EEA1: variants seen among roughly 807,000 people sequenced by gnomAD.
The protein encoded by EEA1 is early endosome antigen 1.
EEA1 carries 111 observed loss-of-function variants against 209.2 expected under a neutral mutation model. The ratio of observed to expected loss-of-function variants is 0.53; its 90% CI spans 0.45 to 0.62. EEA1 has a LOEUF of 0.62. Among genes scored for constraint, EEA1 ranks in the 20% least tolerant of loss-of-function variants. The probability of loss-of-function intolerance (pLI) is 0.00; values close to 1 mark genes in which losing one functional copy is unlikely to be tolerated. For synonymous variants in EEA1, 536 were observed against 540.6 expected (o/e 0.99, Z 0.12); for missense variants, 1,343 against 1,530.8 (o/e 0.88, Z 2.05).
chr12:92,799,747 A>G (rs1179329957), intron 20 of EEA1, among the ~76,000 whole-genome samples: 1 of 152,058 alleles, frequency 6.6e-6, no homozygotes, highest in Non-Finnish European at 1.5e-5. Context: ...AGATCGTGCC[A>G]CTGCACTCCA....
In EEA1 at chr12:92,836,145, G is replaced by T. The variant is rs568933491; in HGVS notation, c.916-3295C>A. On this transcript the variant is annotated intron_variant, in intron 10 of 28. Coordinates refer to ENST00000322349, the MANE Select transcript of EEA1 (RefSeq NM_003566.4). Reference sequence around the variant, plus strand: ...GAGGAAGGTGAAGTTGACAGAGCCTGATATGATTGGTCAAATGGTAGAATC... The same window carrying T: ...GAGGAAGGTGAAGTTGACAGAGCCTTATATGATTGGTCAAATGGTAGAATC... Among the ~76,000 whole-genome samples, 17 of 152,246 alleles carry T rather than the reference G, an allele frequency of 1.1e-4. No homozygotes were observed. The East Asian group carries it at 3.1e-3, about 28-fold the overall frequency.
Position 92,819,414 on chromosome 12 carries a change from A to G in EEA1, c.1622T>C (p.Leu541Ser). 1.9e-6 allele frequency: 3 copies of G among 1,612,632 alleles called. No homozygotes were observed. Among genetic ancestry groups the G allele is most frequent in the Non-Finnish European group, 2.5e-6 (3 of 1,179,276 alleles). Residue 541 changes from leucine (L) to serine (S), a missense_variant, in exon 14 of 29, where the codon TTA becomes TCA. Leu to Ser is a moderately radical substitution (Grantham distance 145). Transcript: ENST00000322349. Reference sequence around the variant, plus strand: ...AAGATCTTCTCTTTCTTTTTCTAGTAATGAAATATTTTCTTTACTCTTCTG... The same window carrying G: ...AAGATCTTCTCTTTCTTTTTCTAGTGATGAAATATTTTCTTTACTCTTCTG... ...LLQKSKENIS[L>S]LEKEREDLYA...
chr12:92,793,590 C>G (rs1874513575), intron 21 of EEA1, among the ~76,000 whole-genome samples: 1 of 152,138 alleles, frequency 6.6e-6, no homozygotes, highest in Admixed American at 6.5e-5. Flanking sequence ...TGAAGGACAT[C>G]TTCAAGGACA....
intron 26 of EEA1, 85 bp downstream of exon 26, chr12:92,777,856 T>A (rs1421255436): frequency 1.4e-6 from 2 of 1,407,898 alleles, no homozygotes; most frequent in Non-Finnish European, 9.7e-7. Flanking sequence ...TTCTCAAGAT[T>A]CTTCTATTTT....
intron 1 of EEA1, among the ~76,000 whole-genome samples, chr12:92,900,783 C>G (rs1592767311): frequency 6.6e-6 from 1 of 152,000 alleles, no homozygotes; most frequent in East Asian, 1.9e-4. Context: ...ATTATCCTGC[C>G]TCAGCCTCCC....
intron 1 of EEA1, 91 bp from the exon 2 acceptor site, chr12:92,891,812 A>G: frequency 5.9e-6 from 5 of 854,392 alleles, no homozygotes; most frequent in South Asian, 1.7e-5. Flanking sequence ...CTTTTCACAT[A>G]AGAAAAGTAG....
At chr12:92,853,861 A>G in intron 6 of EEA1, 54 bp downstream of exon 6, 1 of 1,520,520 alleles carries the variant, frequency 6.6e-7, no homozygotes. Context: ...AAGAAAGGAA[A>G]ACAAATAAGA....
intron 16 of EEA1, 28 bp downstream of exon 16, chr12:92,812,952 T>C (rs769627766): frequency 5.3e-5 from 77 of 1,445,256 alleles, no homozygotes; most frequent in Non-Finnish European, 7.2e-5. Context: ...CACTAGGTGA[T>C]AGTATGAAAT....
intron 1 of EEA1, among the ~76,000 whole-genome samples, chr12:92,910,052 AG>A (rs1242777601): frequency 6.6e-6 from 1 of 152,218 alleles, no homozygotes; most frequent in African/African-American, 2.4e-5. Flanking sequence ...CTGAGGCAGA[AG>A]AATCACTTGA....
At chr12:92,922,277 A>C (rs572265362) in intron 1 of EEA1, among the ~76,000 whole-genome samples, 28 of 152,212 alleles carry the variant, frequency 1.8e-4, no homozygotes, top group Non-Finnish European at 2.9e-4. Flanking sequence ...TCTTACATCT[A>C]TTCCACCACC....
intron 18 of EEA1, among the ~76,000 whole-genome samples, chr12:92,808,554 C>T (rs577051277): frequency 6.6e-6 from 1 of 151,226 alleles, no homozygotes; most frequent in Non-Finnish European, 1.5e-5. Context: ...GTGACAGCCT[C>T]GACCTCCCAA....
At chr12:92,881,254 C>A (rs1021506691) in intron 2 of EEA1, among the ~76,000 whole-genome samples, 5 of 151,958 alleles carry the variant, frequency 3.3e-5, no homozygotes, top group Admixed American at 6.6e-5. Flanking sequence ...AAAAAAAGAA[C>A]AAAAATTATC....
intron 1 of EEA1, among the ~76,000 whole-genome samples, chr12:92,924,224 T>G (rs998505638): frequency 6.8e-5 from 10 of 148,062 alleles, no homozygotes; most frequent in Non-Finnish European, 1.0e-4. Context: ...TTTTTTTTTT[T>G]GGGATGGAGT....
Position 92,855,212 on chromosome 12 carries a change from G to A in EEA1, c.367-1258C>T, listed in dbSNP as rs190161502. On this transcript the variant is annotated intron_variant, in intron 5 of 28. Coordinates refer to ENST00000322349, the MANE Select transcript of EEA1 (RefSeq NM_003566.4). ...TGGGAGGCCGAGACGGACGGATCAC[G>A]AGGTCAGGAGATCGAGACCATCCTG... 1.6e-4 allele frequency among the ~76,000 whole-genome samples: 21 copies of A among 127,440 alleles called. No individual in the cohort carries two copies. The East Asian group carries it at 4.4e-3, about 27-fold the overall frequency. 83.6% of individuals were successfully genotyped at this position (127,440 alleles called of 152,430 possible). A position where few individuals can be genotyped will look rare whatever the true frequency, so the allele number is the denominator to read the frequency against.
At chr12:92,855,824 T>C (rs1026780530) in intron 5 of EEA1, among the ~76,000 whole-genome samples, 1 of 152,190 alleles carries the variant, frequency 6.6e-6, no homozygotes, top group African/African-American at 2.4e-5. Flanking sequence ...AAATGTGAAA[T>C]AGTCATCTCA....
intron 24 of EEA1, 146 bp downstream of exon 24, chr12:92,780,134 T>C: frequency 1.2e-6 from 1 of 806,842 alleles, no homozygotes. Context: ...AAAAGCACTC[T>C]GGCAAGAGTA....
intron 24 of EEA1, among the ~76,000 whole-genome samples, chr12:92,779,832 A>G (rs1592697822): frequency 6.6e-6 from 1 of 152,170 alleles, no homozygotes; most frequent in East Asian, 1.9e-4. Context: ...ATAGACAATT[A>G]GTTTTCTTCA....
intron 5 of EEA1, among the ~76,000 whole-genome samples, chr12:92,855,353 A>G (rs1029599907): frequency 1.4e-3 from 27 of 19,200 alleles, no homozygotes; most frequent in African/African-American, 4.3e-3. Context: ...TGCTGTGAAC[A>G]TGGGAGGCGG....
chr12:92,925,855 T>C (rs1215115418), intron 1 of EEA1, among the ~76,000 whole-genome samples: 1 of 152,166 alleles, frequency 6.6e-6, no homozygotes, highest in African/African-American at 2.4e-5. Flanking sequence ...TTCAAACACT[T>C]TGAGTTCTAA....
Sources: allele counts gnomAD v4.1 joint callset (sites outside exome capture counted in the v4.1 genomes callset), GRCh38; gene constraint gnomAD v4.1.1; transcripts MANE v1.5; gene names NCBI Gene and HGNC (gene_info 2026-07-23, HGNC 2026-07-21).